PLCD4: variants seen among roughly 807,000 people sequenced by gnomAD.
PLCD4 encodes phospholipase C delta 4.
In PLCD4, 63 loss-of-function variants were observed where a neutral mutation model predicts 90.2. The ratio of observed to expected loss-of-function variants is 0.70; its 90% CI spans 0.57 to 0.86. PLCD4 has a LOEUF of 0.86. PLCD4 is among the 40% of genes least tolerant of loss of function. The pLI is 0.00. For synonymous variants in PLCD4, 294 were observed against 356.5 expected, an observed-to-expected ratio of 0.82 and a Z score of 1.97; for missense variants, 830 against 956.3, an observed-to-expected ratio of 0.87 and a Z score of 1.74.
At position 218,615,753 on chromosome 2, in the gene PLCD4, T is replaced by G. The variant is rs1190526437; in HGVS notation, c.14T>G (p.Leu5Arg). 1.2e-5 allele frequency: 20 copies of G among 1,607,080 alleles called. No homozygotes were observed. Among genetic ancestry groups the G allele is most frequent in the Non-Finnish European group, 1.6e-5 (19 of 1,176,610 alleles). Residue 5 changes from leucine to arginine, a missense_variant, in exon 2 of 16, where the codon CTG becomes CGG. Physicochemically the swap from Leu to Arg is moderately radical, Grantham distance 102 (BLOSUM62 -2). Transcript: ENST00000450993. The part of the protein sequence containing the change: MASL[L>R]QDQLTTDQDL... ...GAACAGTGGGTGATGGCGTCCCTGC[T>G]GCAAGACCGTGAGTGCCGGGGCCCC...
chr2:218,621,646 T>G, intron 5 of PLCD4, 47 bp downstream of exon 5: 1 of 1,610,672 alleles, frequency 6.2e-7, no homozygotes, highest in South Asian at 1.1e-5. Flanking sequence ...GGCCACATTT[T>G]CATTTGGCCA....
At chr2:218,613,053 G>C (rs57426637) in intron 1 of PLCD4, among the ~76,000 whole-genome samples, 1 of 152,252 alleles carries the variant, frequency 6.6e-6, no homozygotes, top group East Asian at 1.9e-4. Context: ...AATTTTTAAA[G>C]TTCTTTTAAG....
rs1696409156 is a variant in PLCD4, at chr2:218,632,145, A to T, written c.1282A>T (p.Arg428Trp). The change falls in exon 10 of 16, where the codon AGG becomes TGG. Residue 428 changes from arginine to tryptophan, a missense_variant. By Grantham distance (101) the Arg-to-Trp change is moderately radical. Coordinates refer to ENST00000450993, the MANE Select transcript of PLCD4 (RefSeq NM_032726.4). ...TQLPSPEELR[R>W]KILVKGKKLT... ...CATTTTTGTCCCCTAGGAGCTTCGG[A>T]GGAAGATCCTGGTGAAGGGGAAGAA... The T allele has an allele frequency of 1.2e-6, 2 of 1,607,204 alleles. No individual in the cohort carries two copies. Among genetic ancestry groups the T allele is most frequent in the Non-Finnish European group, 1.7e-6 (2 of 1,177,086 alleles).
At chr2:218,626,175 C>T (rs1575028924) in intron 6 of PLCD4, among the ~76,000 whole-genome samples, 1 of 151,388 alleles carries the variant, frequency 6.6e-6, no homozygotes, top group Non-Finnish European at 1.5e-5. Flanking sequence ...GAGAGGATTG[C>T]TTGAGCCTGG....
chr2:218,636,483 T>G lies in PLCD4; in HGVS notation c.2195T>G (p.Ile732Ser), dbSNP rs1373728355. The change falls in exon 16 of 16, where the codon ATT becomes AGT. Residue 732 changes from isoleucine (I) to serine (S), a missense_variant. Ile to Ser is a moderately radical substitution (Grantham distance 142, BLOSUM62 -2). Transcript: ENST00000450993. ...CTGCCCCTTCCAGGTTACCGCCACA[T>G]TCACCTGCTGTCCAAAGATGGCATC... ...WTCMQQGYRHIHLLSKDGISL... is the reference protein window; with the variant it reads ...WTCMQQGYRHSHLLSKDGISL... The G allele has an allele frequency of 6.2e-7, 1 of 1,614,024 alleles. No homozygotes were observed. Among genetic ancestry groups the G allele is most frequent in the East Asian group, 2.2e-5 (1 of 44,884 alleles).
chr2:218,618,235 C>T (rs1204169583), intron 3 of PLCD4, among the ~76,000 whole-genome samples: 2 of 152,254 alleles, frequency 1.3e-5, no homozygotes, highest in African/African-American at 4.8e-5. Context: ...ACCATTGGGG[C>T]TGCCTATGGA....
Position 218,636,657 on chromosome 2 carries a change from T to G in PLCD4, c.*80T>G. 7.1e-7 allele frequency: 1 copy of G among 1,415,686 alleles called. No individual in the cohort carries two copies. Among genetic ancestry groups the G allele is most frequent in the Non-Finnish European group, 9.8e-7 (1 of 1,023,216 alleles). 87.7% of individuals were successfully genotyped at this position (1,415,686 alleles called of 1,614,324 possible). A position where few individuals can be genotyped will look rare whatever the true frequency, so the allele number is the denominator to read the frequency against. On this transcript the variant is annotated 3_prime_UTR_variant, in exon 16 of 16. Coordinates refer to ENST00000450993, the MANE Select transcript of PLCD4 (RefSeq NM_032726.4). ...CTGGAAGGATGCTCGAGAGAACAAA[T>G]GGAGGTGGTGAAAATCAAGCTTTGG...
Position 218,634,865 on chromosome 2 carries a change from A to G in PLCD4, c.1896+235A>G, listed in dbSNP as rs959454022. 7.2e-5 allele frequency among the ~76,000 whole-genome samples: 11 copies of G among 152,304 alleles called. No homozygotes were observed. The highest frequency in any genetic ancestry group is 3.4e-3 in the Middle Eastern group (1 of 294). On this transcript the variant is annotated intron_variant, in intron 13 of 15. Coordinates refer to ENST00000450993, the MANE Select transcript of PLCD4 (RefSeq NM_032726.4). The surrounding 1 kb of genome is among the most constrained non-coding windows in gnomAD (Gnocchi z 4.0). ...TGCTCACCTGCAAAATAGGGGTAACACTACCACCTGCCTCACAGGGTTATA... is the reference window on the plus strand; with the variant it reads ...TGCTCACCTGCAAAATAGGGGTAACGCTACCACCTGCCTCACAGGGTTATA...
chr2:218,615,605 C>T, intron 1 of PLCD4, 102 bp from the exon 2 acceptor site: 1 of 930,260 alleles, frequency 1.1e-6, no homozygotes, highest in Non-Finnish European at 1.6e-6. Context: ...CTAAACCTAT[C>T]TAAAGTGTCA....
In PLCD4 at chr2:218,634,237, G is replaced by C. The variant is rs1179436475; in HGVS notation, c.1723+16G>C. On this transcript the variant is annotated intron_variant, in intron 12 of 15. Transcript: ENST00000450993. The surrounding 1 kb of genome is among the most constrained non-coding windows in gnomAD (Gnocchi z 4.0). Reference sequence around the variant, plus strand: ...TGCCAGATGGGTGAGGAGGCAGCAGGGACTGGGAAGAGGGAGTGGAGGAGC... The same window carrying C: ...TGCCAGATGGGTGAGGAGGCAGCAGCGACTGGGAAGAGGGAGTGGAGGAGC... 1.2e-6 allele frequency: 2 copies of C among 1,601,588 alleles called. No individual in the cohort carries two copies. The highest frequency in any genetic ancestry group is 1.7e-6 in the Non-Finnish European group (2 of 1,173,816).
intron 1 of PLCD4, among the ~76,000 whole-genome samples, 185 bp from the exon 2 acceptor site, chr2:218,615,522 G>A (rs1161346257): frequency 6.6e-6 from 1 of 152,216 alleles, no homozygotes; most frequent in African/African-American, 2.4e-5. Context: ...ATAGCCATGG[G>A]AAATAGCAGA....
chr2:218,631,279 C>T (rs1398924511), intron 9 of PLCD4, among the ~76,000 whole-genome samples: 4 of 152,094 alleles, frequency 2.6e-5, no homozygotes, highest in Admixed American at 2.6e-4. Flanking sequence ...ATTCTCCTGC[C>T]TCAGCCTCCT....
chr2:218,627,262 A>AAAAT (rs1230705751), intron 6 of PLCD4, among the ~76,000 whole-genome samples: 11 of 151,710 alleles, frequency 7.3e-5, no homozygotes, highest in Admixed American at 3.9e-4. Flanking sequence ...CTCTGTCTCA[A>AAAAT]AAATAAATAA....
At position 218,635,814 on chromosome 2, in the gene PLCD4, C is replaced by T; in HGVS notation, c.1915C>T (p.Leu639Phe). Reference protein sequence around the residue: ...LLIQVISGQQLPKVDKTKEGS... With the variant: ...LLIQVISGQQFPKVDKTKEGS... ...ACTACAGGTGATCAGCGGTCAGCAA[C>T]TCCCCAAAGTGGACAAGACCAAAGA... The change falls in exon 14 of 16, where the codon CTC (leucine) becomes TTC (phenylalanine). Residue 639 changes from leucine (L) to phenylalanine (F), a missense_variant. Coordinates refer to ENST00000450993, the MANE Select transcript of PLCD4 (RefSeq NM_032726.4). 1.2e-6 allele frequency: 2 copies of T among 1,613,358 alleles called. No homozygotes were observed. Among genetic ancestry groups the T allele is most frequent in the Non-Finnish European group, 1.7e-6 (2 of 1,179,636 alleles).
At chr2:218,613,806 A>G (rs1203462187) in intron 1 of PLCD4, among the ~76,000 whole-genome samples, 1 of 152,110 alleles carries the variant, frequency 6.6e-6, no homozygotes, top group Non-Finnish European at 1.5e-5. Flanking sequence ...GGCCCAAGCA[A>G]TCCTCCCTCT....
rs1475220148 is a variant in PLCD4, at chr2:218,630,534, TG to T, written c.1120-115del. 15 of 1,200,972 alleles carry T rather than the reference TG, an allele frequency of 1.2e-5. No homozygotes were observed. In the Admixed American group the frequency reaches 2.5e-4, roughly 20 times the overall value. 74.4% of individuals were successfully genotyped at this position (1,200,972 alleles called of 1,614,324 possible). A position where few individuals can be genotyped will look rare whatever the true frequency, so the allele number is the denominator to read the frequency against. On this transcript the variant is annotated intron_variant, in intron 8 of 15. Coordinates refer to ENST00000450993, the MANE Select transcript of PLCD4 (RefSeq NM_032726.4). ...CTATAATGGAGTTGGAAGAGTTTAG[TG>T]ATCAGGGTACTCATCTGAGTGAGTA...
intron 1 of PLCD4, chr2:218,609,335 A>G (rs1695231090): frequency 6.6e-6 from 1 of 152,104 alleles, no homozygotes; most frequent in South Asian, 2.1e-4. Flanking sequence ...CCTTGGTGCC[A>G]TTGGTAACTC....
At chr2:218,633,947 A>G in intron 11 of PLCD4, 158 bp from the exon 12 acceptor site, 1 of 1,225,644 alleles carries the variant, frequency 8.2e-7, no homozygotes, top group Non-Finnish European at 1.1e-6. Flanking sequence ...AGGGGCAGGA[A>G]AGCTGGTCTG....
At position 218,615,284 on chromosome 2, in the gene PLCD4, A is replaced by G. The variant is rs115638242; in HGVS notation, c.-33-423A>G. Among the ~76,000 whole-genome samples, 410 of 152,274 alleles carry G rather than the reference A, an allele frequency of 2.7e-3. 6 individuals are homozygous for G. The highest frequency in any genetic ancestry group is 9.4e-3 in the African/African-American group (392 of 41,564). ...TCAGGAGCTGGACAGTCTATGTGGG[A>G]GCATAGATAGAGAGGACTCCCAGAA... is the stretch of plus-strand genomic sequence containing the variant. On this transcript the variant is annotated intron_variant, in intron 1 of 15. Transcript: ENST00000450993.
Sources: gnomAD v4.1 joint callset for allele counts (sites outside exome capture counted in the v4.1 genomes callset) on GRCh38, gnomAD v4.1.1 for gene constraint, Gnocchi (gnomAD v3.1) non-coding constraint, MANE v1.5 for transcripts, NCBI Gene and HGNC (gene_info 2026-07-23, HGNC 2026-07-21) for gene names.